The following FAT4 variants were observed in gnomAD, a reference collection of about 807,000 sequenced individuals.
FAT4 encodes the protein FAT atypical cadherin 4, also known as protocadherin Fat 4.
A neutral mutation model predicts 303.9 loss-of-function variants in FAT4; 84 were observed. The ratio of observed to expected loss-of-function variants is 0.28; its 90% CI spans 0.23 to 0.33. FAT4 has a LOEUF of 0.33. FAT4 is among the 10% of genes least tolerant of loss of function. The pLI is 1.00. For missense variants in FAT4, 6,005 were observed against 6,146.8 expected (o/e 0.98, Z 0.77); for synonymous variants, 2,307 against 2,298.8 (o/e 1.00, Z -0.10).
intron 9 of FAT4, 63 bp from the exon 10 acceptor site, chr4:125,448,398 T>A: frequency 6.9e-7 from 1 of 1,453,812 alleles, no homozygotes; most frequent in South Asian, 1.4e-5. Context: ...TATGCACTTA[T>A]CTGCTACCAA....
Position 125,325,799 on chromosome 4 carries a change from A to G in FAT4, c.5175+4213A>G, listed in dbSNP as rs1008783981. Among the ~76,000 whole-genome samples the G allele has an allele frequency of 1.6e-4, 25 of 152,204 alleles. 1 individual carries two copies. The highest frequency in any genetic ancestry group is 5.8e-4 in the African/African-American group (24 of 41,456). The stretch of plus-strand genomic sequence containing the variant: ...GTTTTACTGTGAGTATGTGGTGGTG[A>G]AGAACACAATTACTGCTAAAGTACT... On this transcript the variant is annotated intron_variant, in intron 2 of 17. Transcript: ENST00000394329.
intron 2 of FAT4, among the ~76,000 whole-genome samples, chr4:125,364,543 C>CT (rs1732793062): frequency 6.6e-6 from 1 of 151,496 alleles, no homozygotes; most frequent in Admixed American, 6.6e-5. Context: ...AGAGGAGTCA[C>CT]TAAAGGAGTC....
intron 2 of FAT4, among the ~76,000 whole-genome samples, chr4:125,387,503 A>G (rs1031519652): frequency 3.9e-5 from 6 of 152,150 alleles, no homozygotes; most frequent in Middle Eastern, 6.8e-3. Flanking sequence ...TAAATTTTCT[A>G]TTCTTAAAAA....
Position 125,318,469 on chromosome 4 carries a change from C to T in FAT4, c.2058C>T (p.Ser686=), listed in dbSNP as rs760161531. 17 of 1,614,180 alleles carry T rather than the reference C, an allele frequency of 1.1e-5. No individual in the cohort carries two copies. Among genetic ancestry groups the T allele is most frequent in the Non-Finnish European group, 1.4e-5 (16 of 1,180,030 alleles). Residue 686 remains serine (S), a synonymous_variant, in exon 2 of 18, where the codon AGC becomes AGT. Coordinates refer to ENST00000394329, the MANE Select transcript of FAT4 (RefSeq NM_001291303.3). ...GTCTTCTGGATATAAATGATAACAG[C>T]CCTGTCTTCTACCCGGTCCAATACT... is the stretch of plus-strand genomic sequence containing the variant. ...NVSLLDINDN[S]PVFYPVQYFA... is the part of the protein sequence containing the mutation.
rs187190054 is a variant in FAT4, at chr4:125,412,240, G to C, written c.5921-2644G>C. Among the ~76,000 whole-genome samples, 6 of 151,830 alleles carry C rather than the reference G, an allele frequency of 4.0e-5. No homozygotes were observed. In the East Asian group the frequency reaches 1.2e-3, roughly 29 times the overall value. On this transcript the variant is annotated intron_variant, in intron 5 of 17. Coordinates refer to ENST00000394329, the MANE Select transcript of FAT4 (RefSeq NM_001291303.3). ...TTTAGATGTAGTGTATGTGGCCAAA[G>C]TCACTTTTTAGACTTGTCAGAAATG...
At position 125,451,062 on chromosome 4, in the gene FAT4, A is replaced by G. The variant is rs1726047405; in HGVS notation, c.10052A>G (p.Asn3351Ser). Reference protein sequence around the residue: ...GNSRKKGFQINKKTGQIYVSG... With the variant: ...GNSRKKGFQISKKTGQIYVSG... ...AGTCGAAAGAAGGGTTTCCAGATCA[A>G]TAAGAAGACTGGACAGATTTATGTT... Residue 3351 changes from asparagine (N) to serine (S), a missense_variant, in exon 10 of 18, where the codon AAT (asparagine) becomes AGT (serine). Transcript: ENST00000394329. 6 of 1,614,026 alleles carry G rather than the reference A, an allele frequency of 3.7e-6. No individual in the cohort carries two copies. Among genetic ancestry groups the G allele is most frequent in the Admixed American group, 1.7e-5 (1 of 59,990 alleles).
intron 2 of FAT4, among the ~76,000 whole-genome samples, chr4:125,359,816 G>A (rs1732582923): frequency 6.6e-6 from 1 of 152,102 alleles, no homozygotes; most frequent in Non-Finnish European, 1.5e-5. Context: ...TTGTGGGGAG[G>A]GAGGTTGTTT....
At position 125,449,495 on chromosome 4, in the gene FAT4, A is replaced by T. The variant is rs1452751365; in HGVS notation, c.8485A>T (p.Ile2829Phe). ...TACAATTAATCCCAGCACAGGGGAT[A>T]TTGTCATAAGCAGACCTTTAAATAG... ...PFTINPSTGDIVISRPLNRED... is the reference protein window; with the variant it reads ...PFTINPSTGDFVISRPLNRED... The change falls in exon 10 of 18, where the codon ATT (isoleucine) becomes TTT (phenylalanine). Residue 2829 changes from isoleucine (I) to phenylalanine (F), a missense_variant. Physicochemically the swap from Ile to Phe is conservative, Grantham distance 21. Transcript: ENST00000394329. 6.2e-7 allele frequency: 1 copy of T among 1,613,920 alleles called. No homozygotes were observed. Among genetic ancestry groups the T allele is most frequent in the Non-Finnish European group, 8.5e-7 (1 of 1,179,882 alleles).
intron 2 of FAT4, among the ~76,000 whole-genome samples, chr4:125,368,528 A>AT (rs1390838389): frequency 6.8e-6 from 1 of 147,352 alleles, no homozygotes; most frequent in East Asian, 2.0e-4. Flanking sequence ...ATATGTATAT[A>AT]TATATATATA....
intron 7 of FAT4, among the ~76,000 whole-genome samples, chr4:125,425,117 A>G (rs1386606733): frequency 6.6e-6 from 1 of 152,184 alleles, no homozygotes; most frequent in African/African-American, 2.4e-5. Context: ...ACATTAGATG[A>G]TATTCATTAT....
intron 7 of FAT4, among the ~76,000 whole-genome samples, chr4:125,423,615 A>G (rs530905208): frequency 1.3e-5 from 2 of 152,346 alleles, no homozygotes; most frequent in South Asian, 4.1e-4. Flanking sequence ...GCATTGCCTC[A>G]TGGAGCTGTG....
chr4:125,401,560 A>C (rs1053213803), intron 3 of FAT4, among the ~76,000 whole-genome samples: 1 of 152,050 alleles, frequency 6.6e-6, no homozygotes, highest in South Asian at 2.1e-4. Flanking sequence ...CTAACATATA[A>C]GTGTTAGTAT....
intron 2 of FAT4, among the ~76,000 whole-genome samples, chr4:125,385,681 A>T (rs1733721911): frequency 6.6e-6 from 1 of 152,188 alleles, no homozygotes; most frequent in Non-Finnish European, 1.5e-5. Flanking sequence ...AGTTGTAGTC[A>T]GTATTTATAA....
chr4:125,463,753 A>G (rs770256175), intron 11 of FAT4, 86 bp downstream of exon 11: 4 of 660,438 alleles, frequency 6.1e-6, no homozygotes, highest in Admixed American at 3.3e-5. Context: ...AGTATGAAAG[A>G]CCAAAAAATT....
intron 12 of FAT4, among the ~76,000 whole-genome samples, chr4:125,469,508 G>C (rs940083092): frequency 1.3e-5 from 2 of 152,152 alleles, no homozygotes; most frequent in Admixed American, 1.3e-4. Context: ...AAACCTTGAT[G>C]CTAATTTATT....
chr4:125,410,046 A>G (rs1011207855), intron 5 of FAT4, among the ~76,000 whole-genome samples: 1 of 152,108 alleles, frequency 6.6e-6, no homozygotes, highest in African/African-American at 2.4e-5. Flanking sequence ...TCCTTCTCAT[A>G]GTGTCTATAA....
At chr4:125,459,645 T>C (rs1186719156) in intron 10 of FAT4, among the ~76,000 whole-genome samples, 1 of 152,040 alleles carries the variant, frequency 6.6e-6, no homozygotes, top group African/African-American at 2.4e-5. Context: ...CATATCTTAA[T>C]GGAAGGAGGC....
chr4:125,362,896 C>T (rs1388358462), intron 2 of FAT4: 2 of 151,650 alleles, frequency 1.3e-5, no homozygotes, highest in Admixed American at 6.6e-5. Flanking sequence ...TTTTACTTCC[C>T]CACCCCCCGA....
chr4:125,440,546 T>C (rs532450199), intron 8 of FAT4, among the ~76,000 whole-genome samples: 4 of 151,876 alleles, frequency 2.6e-5, no homozygotes, highest in African/African-American at 9.7e-5. Context: ...TGGAAAGTAA[T>C]TTGAATACTT....
Sources: allele counts gnomAD v4.1 joint callset (sites outside exome capture counted in the v4.1 genomes callset), GRCh38; gene constraint gnomAD v4.1.1; transcripts MANE v1.5; gene names NCBI Gene and HGNC (gene_info 2026-07-23, HGNC 2026-07-21).